ANK3: variants seen among roughly 807,000 people sequenced by gnomAD.
The protein encoded by ANK3 is ankyrin 3, also known as ankyrin-3.
A neutral mutation model predicts 370.9 loss-of-function variants in ANK3; 57 were observed. That is an observed-to-expected ratio of 0.15 (90% CI 0.12 to 0.19). The LOEUF is 0.19. Ranked by LOEUF, ANK3 falls within the 10% of genes least tolerant of loss-of-function variation. The pLI is 1.00. For synonymous variants in ANK3, 1,929 were observed against 1,946.3 expected (o/e 0.99, Z 0.23); for missense variants, 4,439 against 5,302.1 (o/e 0.84, Z 5.06).
At chr10:60,113,525 A>G (rs920521053) in intron 26 of ANK3, among the ~76,000 whole-genome samples, 3 of 152,184 alleles carry the variant, frequency 2.0e-5, no homozygotes, top group Non-Finnish European at 4.4e-5. Flanking sequence ...CCTAGGCAAC[A>G]TGGCGAGACT....
At chr10:60,655,101 A>G (rs1317124793) in intron 1 of ANK3, among the ~76,000 whole-genome samples, 1 of 152,198 alleles carries the variant, frequency 6.6e-6, no homozygotes, top group Non-Finnish European at 1.5e-5. Flanking sequence ...AATTACATAC[A>G]GTACATATTA....
In ANK3 at chr10:60,560,079, A is replaced by T. The variant is rs7896652; in HGVS notation, c.96+55107T>A. 2.6e-3 allele frequency among the ~76,000 whole-genome samples: 392 copies of T among 152,274 alleles called. 3 individuals are homozygous for T. The highest frequency in any genetic ancestry group is 9.1e-3 in the African/African-American group (380 of 41,548). ...TAGATAGATGGATAGAGAGAGAGAG[A>T]GAGATAGAAAAATATAATTGGCATA... On this transcript the variant is annotated intron_variant, in intron 2 of 43. Transcript: ENST00000373827.
upstream of ANK3, among the ~76,000 whole-genome samples, chr10:60,394,149 T>C (rs1371606367): frequency 6.7e-6 from 1 of 148,436 alleles, no homozygotes; most frequent in Non-Finnish European, 1.5e-5. Flanking sequence ...GATCATTTCA[T>C]TAATTATTGG....
At chr10:60,638,243 T>C (rs1190402894) in intron 1 of ANK3, among the ~76,000 whole-genome samples, 3 of 152,172 alleles carry the variant, frequency 2.0e-5, no homozygotes, top group African/African-American at 7.2e-5. Context: ...TAATTCATGT[T>C]GCCATCAGCC....
Position 60,477,335 on chromosome 10 carries a change from A to C in ANK3, c.96+137851T>G, listed in dbSNP as rs12259978. ...AACTGGAACAAGATCTTGCAAGTCCAAATACCTGAATTATATAGAATAAGC... is the reference window on the plus strand; with the variant it reads ...AACTGGAACAAGATCTTGCAAGTCCCAATACCTGAATTATATAGAATAAGC... On this transcript the variant is annotated intron_variant, in intron 2 of 43. Transcript: ENST00000373827. 4.0e-3 allele frequency among the ~76,000 whole-genome samples: 602 copies of C among 152,268 alleles called. 4 individuals carry two copies. The highest frequency in any genetic ancestry group is 0.013 in the African/African-American group (549 of 41,552).
intron 42 of ANK3, among the ~76,000 whole-genome samples, chr10:60,045,916 A>ATTTTT (rs35437805): frequency 1.3e-5 from 2 of 149,328 alleles, no homozygotes. Flanking sequence ...TTTTGTTCTC[A>ATTTTT]TTTTTTTTTT....
At chr10:60,304,978 C>T (rs1593378889) in intron 1 of ANK3, among the ~76,000 whole-genome samples, 1 of 152,158 alleles carries the variant, frequency 6.6e-6, no homozygotes, top group African/African-American at 2.4e-5. Flanking sequence ...TGAGGTGGAG[C>T]CAGTCCTCTC....
At chr10:60,368,230 T>TAC (rs3045441) in intron 1 of ANK3, among the ~76,000 whole-genome samples, 7,490 of 149,588 alleles carry the variant, frequency 0.05, 339 homozygotes, top group African/African-American at 0.11. Context: ...CTAGTGCATG[T>TAC]ACACACACAC....
rs1226782511 is a variant in ANK3, at chr10:60,421,143, CAGAG to C, written c.97-141508_97-141505del. 3.3e-5 allele frequency among the ~76,000 whole-genome samples: 5 copies of C among 151,706 alleles called. No individual in the cohort carries two copies. In the East Asian group the frequency reaches 7.8e-4, roughly 24 times the overall value. ...AAAATACCTAGACTAGGCAAGTTCA[CAGAG>C]AGAGAGAGATAAGAGATTTCCGGAG... On this transcript the variant is annotated intron_variant, in intron 2 of 43. Transcript: ENST00000373827.
At chr10:60,448,058 T>G (rs957876263) in intron 2 of ANK3, among the ~76,000 whole-genome samples, 1 of 152,098 alleles carries the variant, frequency 6.6e-6, no homozygotes, top group Non-Finnish European at 1.5e-5. Context: ...GCCCATTCAT[T>G]CACAACATAG....
intron 2 of ANK3, among the ~76,000 whole-genome samples, chr10:60,463,903 T>A (rs1455394802): frequency 1.3e-5 from 2 of 152,148 alleles, no homozygotes; most frequent in East Asian, 3.8e-4. Flanking sequence ...GATGGCTACA[T>A]TCCACCAAGA....
intron 42 of ANK3, among the ~76,000 whole-genome samples, chr10:60,054,048 T>C (rs1157736061): frequency 6.6e-6 from 1 of 152,230 alleles, no homozygotes; most frequent in Non-Finnish European, 1.5e-5. Flanking sequence ...ACTCAAGGTT[T>C]AAAACTAAAT....
intron 2 of ANK3, among the ~76,000 whole-genome samples, chr10:60,465,714 T>C (rs2064994243): frequency 6.6e-6 from 1 of 151,972 alleles, no homozygotes; most frequent in African/African-American, 2.4e-5. Flanking sequence ...AACTCAATAG[T>C]AAAACTTGAC....
intron 2 of ANK3, among the ~76,000 whole-genome samples, chr10:60,610,069 TA>T: frequency 6.6e-6 from 1 of 152,066 alleles, no homozygotes; most frequent in East Asian, 1.9e-4. Context: ...TATTAATATA[TA>T]AAAAGCTCAT....
intron 2 of ANK3, among the ~76,000 whole-genome samples, chr10:60,605,907 A>G (rs1035659377): frequency 1.3e-5 from 2 of 152,194 alleles, no homozygotes; most frequent in African/African-American, 4.8e-5. Flanking sequence ...TTATGACTTC[A>G]TGCAAAAGTT....
chr10:60,396,976 A>G (rs1254221054), intron 2 of ANK3, among the ~76,000 whole-genome samples: 1 of 152,214 alleles, frequency 6.6e-6, no homozygotes, highest in East Asian at 1.9e-4. Flanking sequence ...ACCAAGATGT[A>G]AGGAAAGCAA....
At position 60,399,143 on chromosome 10, in the gene ANK3, T is replaced by A. The variant is rs532881549; in HGVS notation, c.97-119504A>T. ...ATAATCTTTTTAAACATCAGAATCA[T>A]GATTACAGACTTACAGGCTTCTTTT... On this transcript the variant is annotated intron_variant, in intron 2 of 43. Coordinates refer to the ANK3 transcript ENST00000373827. Among the ~76,000 whole-genome samples, 3 of 152,254 alleles carry A rather than the reference T, an allele frequency of 2.0e-5. No homozygotes were observed. In the South Asian group the frequency reaches 6.2e-4, roughly 32 times the overall value.
At chr10:60,614,520 C>T (rs2078242359) in intron 2 of ANK3, among the ~76,000 whole-genome samples, 1 of 152,076 alleles carries the variant, frequency 6.6e-6, no homozygotes, top group African/African-American at 2.4e-5. Flanking sequence ...TAGTGGATGG[C>T]ATGAGCACAT....
chr10:60,671,304 C>T (rs767352863), intron 1 of ANK3, among the ~76,000 whole-genome samples: 1 of 152,066 alleles, frequency 6.6e-6, no homozygotes, highest in African/African-American at 2.4e-5. Context: ...TTCCTCCAAC[C>T]GGCCAAGTGC....
Sources: allele counts gnomAD v4.1 joint callset (sites outside exome capture counted in the v4.1 genomes callset), GRCh38; gene constraint gnomAD v4.1.1; transcripts MANE v1.5; gene names NCBI Gene and HGNC (gene_info 2026-07-23, HGNC 2026-07-21).